The following ANKRD16 variants were observed in gnomAD, a reference collection of about 807,000 sequenced individuals.
The protein encoded by ANKRD16 is ankyrin repeat domain-containing protein 16.
In ANKRD16, 35 loss-of-function variants were observed where a neutral mutation model predicts 37.9. The ratio of observed to expected loss-of-function variants is 0.92; its 90% CI spans 0.71 to 1.23. ANKRD16 has a LOEUF of 1.23. ANKRD16 is among the 50% of genes most tolerant of loss of function. ANKRD16 has a pLI of 0.00. For synonymous variants in ANKRD16, 206 were observed against 197.2 expected (o/e 1.04, Z -0.37); for missense variants, 480 against 469.9 (o/e 1.02, Z -0.20).
At chr10:5,877,987 G>A in intron 7 of ANKRD16, 110 bp downstream of exon 7, 1 of 1,224,182 alleles carries the variant, frequency 8.2e-7, no homozygotes, top group Admixed American at 2.2e-5. Flanking sequence ...TCCTCAGCAG[G>A]AGTGGAACAT....
intron 2 of ANKRD16, 41 bp from the exon 3 acceptor site, chr10:5,885,806 G>C: frequency 6.3e-7 from 1 of 1,578,554 alleles, no homozygotes; most frequent in Non-Finnish European, 8.6e-7. Context: ...GCTTTTTAGT[G>C]CACACACAAA....
At chr10:5,867,532 AG>A (rs1163196494) in intron 7 of ANKRD16, among the ~76,000 whole-genome samples, 15 of 152,268 alleles carry the variant, frequency 9.9e-5, no homozygotes, top group Admixed American at 9.2e-4. Context: ...TTAATAGCAA[AG>A]AAAAATTAAA....
intron 4 of ANKRD16, among the ~76,000 whole-genome samples, chr10:5,883,404 C>T (rs991043830): frequency 2.0e-5 from 3 of 152,192 alleles, no homozygotes; most frequent in African/African-American, 4.8e-5. Context: ...ACCTCCATCT[C>T]CTTGGTTCAA....
rs776675952 is a variant in ANKRD16 at position 5,884,023 on chromosome 10, G to A, written c.633C>T (p.Asp211=). The A allele has an allele frequency of 1.2e-6, 2 of 1,614,156 alleles. No individual in the cohort carries two copies. Among genetic ancestry groups the A allele is most frequent in the East Asian group, 4.5e-5 (2 of 44,884 alleles). ...CGTCGATGTGCCCACACTGGATTGC[G>A]TCCATCAAGGCGGTGACGCCACAGT... is the stretch of plus-strand genomic sequence containing the variant. ...RDNCGVTALM[D]AIQCGHIDVA... is the part of the protein sequence containing the mutation. The change falls in exon 4 of 8, where the codon GAC becomes GAT. Residue 211 remains aspartate (D), a synonymous_variant. Transcript: ENST00000380094.
In ANKRD16 at chr10:5,868,700, A is replaced by C. The variant is rs1488663317; in HGVS notation, c.*34-6009T>G. Among the ~76,000 whole-genome samples the C allele has an allele frequency of 2.6e-5, 4 of 152,158 alleles. No individual in the cohort carries two copies. The highest frequency in any genetic ancestry group is 9.7e-5 in the African/African-American group (4 of 41,424). ...TGGAAGCTTTGTTCTTTTGCTCTTCATAACAAATCTTGCTGCTACTCACTC... is the reference window on the plus strand; with the variant it reads ...TGGAAGCTTTGTTCTTTTGCTCTTCCTAACAAATCTTGCTGCTACTCACTC... On this transcript the variant is annotated intron_variant, in intron 7 of 7. Transcript: ENST00000380094. The surrounding 1 kb of genome is among the most constrained non-coding windows in gnomAD (Gnocchi z 4.9).
At chr10:5,873,231 T>G (rs1031454429) in intron 7 of ANKRD16, among the ~76,000 whole-genome samples, 4 of 151,624 alleles carry the variant, frequency 2.6e-5, no homozygotes, top group African/African-American at 9.7e-5. Flanking sequence ...AGGGTTTCAC[T>G]GTGTTAGCCA....
Position 5,878,284 on chromosome 10 carries a change from AG to A in ANKRD16, c.931del (p.Leu311CysfsTer21). The A allele has an allele frequency of 6.2e-7, 1 of 1,613,028 alleles. No homozygotes were observed. Among genetic ancestry groups the A allele is most frequent in the Non-Finnish European group, 8.5e-7 (1 of 1,179,600 alleles). On this transcript the variant is annotated frameshift_variant and splice_region_variant, in exon 7 of 8. Coordinates refer to ENST00000380094, the MANE Select transcript of ANKRD16 (RefSeq NM_019046.3). LOFTEE classifies it high-confidence loss of function. This position sits in a 1 kb window ranked among gnomAD's most constrained non-coding sequence, Gnocchi z 5.1. ...NSKDEKNRSALHLACAGQHLA... is the reference protein window; with the variant it reads ...NSKDEKNRSAXHLACAGQHLA... ...GTGCTGACCTGCACAGGCCAGATGC[AG>A]GGCTGAGGGGTGACAAAAATCACAT...
At chr10:5,879,404 G>T (rs1017157776) in intron 6 of ANKRD16, among the ~76,000 whole-genome samples, 1 of 151,730 alleles carries the variant, frequency 6.6e-6, no homozygotes, top group African/African-American at 2.4e-5. Context: ...GGAGGTGGAG[G>T]TTGCAGTGAG....
chr10:5,880,852 C>A (rs600706), intron 5 of ANKRD16, among the ~76,000 whole-genome samples: 126,888 of 152,102 alleles, frequency 0.83, 53,207 homozygotes, highest in Admixed American at 0.88. Flanking sequence ...GGGGGTCTTA[C>A]GTTTTTATTT....
chr10:5,881,441 T>TA (rs1459236408), intron 5 of ANKRD16, among the ~76,000 whole-genome samples: 66 of 21,282 alleles, frequency 3.1e-3, no homozygotes, highest in African/African-American at 0.011. Flanking sequence ...ATATTATTTA[T>TA]ATATATATAT....
At chr10:5,879,444 G>T (rs1018237811) in intron 6 of ANKRD16, among the ~76,000 whole-genome samples, 5 of 151,956 alleles carry the variant, frequency 3.3e-5, no homozygotes, top group African/African-American at 1.2e-4. Flanking sequence ...CTCCAGACTG[G>T]GTGACAGAGC....
intron 7 of ANKRD16, among the ~76,000 whole-genome samples, chr10:5,872,591 C>T (rs1423932534): frequency 6.6e-6 from 1 of 152,172 alleles, no homozygotes; most frequent in African/African-American, 2.4e-5. Context: ...GAATCTCACT[C>T]TGTTGCCCAG....
intron 7 of ANKRD16, among the ~76,000 whole-genome samples, chr10:5,875,445 C>G (rs191332257): frequency 6.6e-6 from 1 of 152,084 alleles, no homozygotes; most frequent in East Asian, 1.9e-4. Context: ...TTGCTAATAG[C>G]AAATGCTAAG....
intron 5 of ANKRD16, among the ~76,000 whole-genome samples, chr10:5,881,493 TCTCA>T (rs756758214): frequency 1.4e-5 from 2 of 139,952 alleles, no homozygotes; most frequent in African/African-American, 2.6e-5. Flanking sequence ...TGAGATGTAG[TCTCA>T]CTCTGTTGCT....
At chr10:5,880,639 G>A (rs1312944324) in intron 5 of ANKRD16, among the ~76,000 whole-genome samples, 1 of 152,080 alleles carries the variant, frequency 6.6e-6, no homozygotes, top group Non-Finnish European at 1.5e-5. Flanking sequence ...AGGAGCAGGG[G>A]GGGGATTAGG....
Position 5,884,059 on chromosome 10 carries a change from G to A in ANKRD16, c.597C>T (p.Asp199=), listed in dbSNP as rs1307431887. ...CGGTGACGCCACAGTTGTCTCTGTA[G>A]TCTGGTTCATATTGGCACCTAGAGC... ...VLLKRCQYEP[D]YRDNCGVTAL... Residue 199 remains aspartate, a synonymous_variant, in exon 4 of 8, where the codon GAC becomes GAT. Coordinates refer to ENST00000380094, the MANE Select transcript of ANKRD16 (RefSeq NM_019046.3). 6.2e-7 allele frequency: 1 copy of A among 1,614,060 alleles called. No homozygotes were observed. Among genetic ancestry groups the A allele is most frequent in the South Asian group, 1.1e-5 (1 of 91,074 alleles).
intron 3 of ANKRD16, 117 bp from the exon 4 acceptor site, chr10:5,884,194 G>A (rs1842373954): frequency 2.8e-6 from 2 of 707,354 alleles, no homozygotes; most frequent in East Asian, 2.7e-5. Flanking sequence ...TGTGAGCATG[G>A]AGCTCTCTCT....
intron 7 of ANKRD16, among the ~76,000 whole-genome samples, chr10:5,873,464 G>A (rs939488184): frequency 5.9e-5 from 9 of 152,274 alleles, no homozygotes; most frequent in South Asian, 4.1e-4. Flanking sequence ...AGGGGCCACC[G>A]TGCTCAGCCC....
In ANKRD16 at chr10:5,869,900, G is replaced by A. The variant is rs1429546603; in HGVS notation, c.*34-7209C>T. On this transcript the variant is annotated intron_variant, in intron 7 of 7. Coordinates refer to ENST00000380094, the MANE Select transcript of ANKRD16 (RefSeq NM_019046.3). The surrounding 1 kb of genome is among the most constrained non-coding windows in gnomAD (Gnocchi z 4.0). ...CGCGTGATGCTGAGGTCTGCAGTAA[G>A]GATCGCATCACTTAGCATGGTATCC... Among the ~76,000 whole-genome samples the A allele has an allele frequency of 6.6e-6, 1 of 152,116 alleles. No homozygotes were observed. The highest frequency in any genetic ancestry group is 2.4e-5 in the African/African-American group (1 of 41,400).
Sources: allele counts gnomAD v4.1 joint callset (sites outside exome capture counted in the v4.1 genomes callset), GRCh38; gene constraint gnomAD v4.1.1; non-coding constraint Gnocchi (gnomAD v3.1); transcripts MANE v1.5; gene names NCBI Gene and HGNC (gene_info 2026-07-23, HGNC 2026-07-21).